AP4E1: variants seen among roughly 807,000 people sequenced by gnomAD.
AP4E1 encodes AP-4 complex subunit epsilon-1.
Under a neutral mutation model 128.2 loss-of-function variants are expected in AP4E1, and 56 were observed. That is an observed-to-expected ratio of 0.44 (90% confidence interval 0.35 to 0.55). The LOEUF is 0.55. Ranked by LOEUF, AP4E1 falls within the 20% of genes least tolerant of loss-of-function variation. The pLI is 0.00. For synonymous variants in AP4E1, 484 were observed against 473.1 expected (o/e 1.02, Z -0.30); for missense variants, 1,324 against 1,307.7 (o/e 1.01, Z -0.19).
At chr15:50,926,737 T>G (rs1175193553) in intron 5 of AP4E1, among the ~76,000 whole-genome samples, 1 of 151,956 alleles carries the variant, frequency 6.6e-6, no homozygotes, top group Non-Finnish European at 1.5e-5. Context: ...TAGTTGGAAC[T>G]ACAGGCGCCC....
At chr15:50,909,766 C>A (rs1313085823) in intron 1 of AP4E1, among the ~76,000 whole-genome samples, 1 of 150,554 alleles carries the variant, frequency 6.6e-6, no homozygotes, top group Non-Finnish European at 1.5e-5. Context: ...GGGCTCACTA[C>A]AAGCTCCGCC....
At chr15:50,969,525 G>C (rs923306787) in intron 15 of AP4E1, among the ~76,000 whole-genome samples, 1 of 142,534 alleles carries the variant, frequency 7.0e-6, no homozygotes, top group Non-Finnish European at 1.6e-5. Flanking sequence ...TTTCTTAATT[G>C]ACAAATAATT....
At chr15:50,961,259 T>C (rs2064308890) in intron 14 of AP4E1, among the ~76,000 whole-genome samples, 2 of 151,810 alleles carry the variant, frequency 1.3e-5, no homozygotes, top group Non-Finnish European at 2.9e-5. Context: ...TCATTTTATA[T>C]GGCCAGCATT....
intron 17 of AP4E1, among the ~76,000 whole-genome samples, chr15:50,996,554 C>T (rs1252489376): frequency 6.6e-6 from 1 of 152,092 alleles, no homozygotes; most frequent in African/African-American, 2.4e-5. Flanking sequence ...TTCTGGTCAA[C>T]TAGAATCATG....
intron 15 of AP4E1, among the ~76,000 whole-genome samples, chr15:50,972,649 A>T (rs2064496586): frequency 1.3e-5 from 2 of 152,186 alleles, no homozygotes; most frequent in South Asian, 4.1e-4. Context: ...GGATATGTGC[A>T]TGTACACAGT....
At chr15:50,921,284 T>C (rs1002266283) in intron 3 of AP4E1, among the ~76,000 whole-genome samples, 12 of 152,146 alleles carry the variant, frequency 7.9e-5, no homozygotes, top group Non-Finnish European at 1.6e-4. Flanking sequence ...ATAAATAAAC[T>C]TCAGTGCTCA....
intron 16 of AP4E1, among the ~76,000 whole-genome samples, chr15:50,986,474 T>TA (rs2064725670): frequency 1.3e-5 from 2 of 152,350 alleles, no homozygotes; most frequent in African/African-American, 4.8e-5. Flanking sequence ...TATTTTGAGA[T>TA]ACGTCCCATC....
chr15:50,920,371 C>T (rs1300144807), intron 3 of AP4E1, among the ~76,000 whole-genome samples: 1 of 151,480 alleles, frequency 6.6e-6, no homozygotes, highest in African/African-American at 2.4e-5. Flanking sequence ...CCTCAGCCTC[C>T]CAAAGTGCTG....
At chr15:50,945,877 G>A (rs2064055261) in intron 10 of AP4E1, 4 of 910,374 alleles carry the variant, frequency 4.4e-6, no homozygotes, top group African/African-American at 1.6e-5. Context: ...CCAGATTCAG[G>A]AACAGTGCAT....
At chr15:50,978,970 T>G (rs2064598521) in intron 15 of AP4E1, among the ~76,000 whole-genome samples, 1 of 152,200 alleles carries the variant, frequency 6.6e-6, no homozygotes, top group South Asian at 2.1e-4. Context: ...ATCTTAATTC[T>G]TTTGACTTGG....
intron 16 of AP4E1, among the ~76,000 whole-genome samples, chr15:50,988,886 CTAAAATG>C (rs1279968558): frequency 1.3e-5 from 2 of 152,094 alleles, no homozygotes; most frequent in African/African-American, 4.8e-5. Context: ...TGAGCATTTG[CTAAAATG>C]TCTTATTTGG....
At chr15:50,968,833 CCAGGCTGGTTTCAAACTT>C (rs2064433579) in intron 15 of AP4E1, among the ~76,000 whole-genome samples, 1 of 127,704 alleles carries the variant, frequency 7.8e-6, no homozygotes. Context: ...TCAAACTTGG[CCAGGCTGGTTTCAAACTT>C]CGGCCTCAAG....
chr15:50,922,163 C>CCA lies in AP4E1; in HGVS notation c.347-1768_347-1767insCA, dbSNP rs1555454464. Among the ~76,000 whole-genome samples, 51 of 79,732 alleles carry CCA rather than the reference C, an allele frequency of 6.4e-4. No homozygotes were observed. In the East Asian group the frequency reaches 0.015, roughly 24 times the overall value. The allele number at this position is 79,732 out of a possible 152,430, so 52.3% of individuals were successfully genotyped here. A position where few individuals can be genotyped will look rare whatever the true frequency, so the allele number is the denominator to read the frequency against. ...GTAACATAGTGAGACCCTATCTCTA[C>CCA]AAAAAAAAAAAAAAAAAAAAATTAG... On this transcript the variant is annotated intron_variant, in intron 3 of 20. Coordinates refer to ENST00000261842, the MANE Select transcript of AP4E1 (RefSeq NM_007347.5).
chr15:50,993,720 A>G (rs972575698), intron 17 of AP4E1, 95 bp downstream of exon 17: 83 of 1,501,180 alleles, frequency 5.5e-5, no homozygotes, highest in Non-Finnish European at 6.9e-5. Context: ...GTCTATATGT[A>G]TAGTGAAAAG....
At chr15:50,929,352 G>GTT (rs377742578) in intron 6 of AP4E1, among the ~76,000 whole-genome samples, 184 bp downstream of exon 6, 1 of 143,066 alleles carries the variant, frequency 7.0e-6, no homozygotes. Context: ...TACAGAATTA[G>GTT]TTTTTTTTTT....
chr15:50,989,677 C>T (rs1451816776), intron 16 of AP4E1, among the ~76,000 whole-genome samples: 2 of 152,096 alleles, frequency 1.3e-5, no homozygotes, highest in African/African-American at 4.8e-5. Flanking sequence ...CAGGGAGGAA[C>T]TTACACACTT....
At chr15:50,931,085 T>A in intron 7 of AP4E1, 114 bp downstream of exon 7, 1 of 1,272,292 alleles carries the variant, frequency 7.9e-7, no homozygotes, top group South Asian at 1.2e-5. Context: ...TTAATTGGCT[T>A]AATAGTGATA....
intron 14 of AP4E1, among the ~76,000 whole-genome samples, chr15:50,963,163 C>A (rs998030587): frequency 2.6e-5 from 4 of 151,380 alleles, no homozygotes; most frequent in South Asian, 4.1e-4. Flanking sequence ...ATTAAGATAG[C>A]CATTATAGAA....
chr15:50,981,907 G>A (rs978096610), intron 15 of AP4E1, among the ~76,000 whole-genome samples: 3 of 151,924 alleles, frequency 2.0e-5, no homozygotes, highest in African/African-American at 7.3e-5. Context: ...CCAACATGGA[G>A]AAACCACGTC....
Sources: allele counts gnomAD v4.1 joint callset (sites outside exome capture counted in the v4.1 genomes callset), GRCh38; gene constraint gnomAD v4.1.1; transcripts MANE v1.5; gene names NCBI Gene and HGNC (gene_info 2026-07-23, HGNC 2026-07-21).